The following PCDHGB6 variants were observed in gnomAD, a reference collection of about 807,000 sequenced individuals.
The protein encoded by PCDHGB6 is protocadherin gamma-B6.
PCDHGB6 carries 51 observed loss-of-function variants against 59.1 expected under a neutral mutation model. That is an observed-to-expected ratio of 0.86 (90% confidence interval 0.69 to 1.09). PCDHGB6 has a LOEUF of 1.09. PCDHGB6 is among the 50% of genes least tolerant of loss of function. PCDHGB6 has a pLI of 0.00. For synonymous variants in PCDHGB6, 466 were observed against 495.1 expected, an observed-to-expected ratio of 0.94 and a Z score of 0.78; for missense variants, 1,148 against 1,205.1, an observed-to-expected ratio of 0.95 and a Z score of 0.70.
Position 141,486,239 on chromosome 5 carries a change from C to G in PCDHGB6, c.2419-8568C>G, listed in dbSNP as rs751510109. On this transcript the variant is annotated intron_variant, in intron 1 of 3. Transcript: ENST00000520790. The surrounding 1 kb of genome is among the most constrained non-coding windows in gnomAD (Gnocchi z 5.0). ...CCCTTACATCACAGTGACCTCAGAG[C>G]TTGGAACCCTCCCCGAGAGTGCAGA... 6.2e-7 allele frequency: 1 copy of G among 1,614,160 alleles called. No individual in the cohort carries two copies. Among genetic ancestry groups the G allele is most frequent in the Admixed American group, 1.7e-5 (1 of 60,020 alleles).
rs1001719735 is a variant in PCDHGB6 at position 141,512,055 on chromosome 5, TGAC to T, written c.*883_*885del. 10 of 152,698 alleles carry T rather than the reference TGAC, an allele frequency of 6.5e-5. No homozygotes were observed. The highest frequency in any genetic ancestry group is 1.4e-4 in the African/African-American group (6 of 41,450). 9.5% of individuals were successfully genotyped at this position (152,698 alleles called of 1,614,324 possible). On this transcript the variant is annotated 3_prime_UTR_variant, in exon 4 of 4. Coordinates refer to ENST00000520790, the MANE Select transcript of PCDHGB6 (RefSeq NM_018926.3). ...GAGGCTCTGTATGTCCTCAGGGGACTGACAACATCCTCCAGATTCCAGCCATAA... is the reference window on the plus strand; with the variant it reads ...GAGGCTCTGTATGTCCTCAGGGGACTAACATCCTCCAGATTCCAGCCATAA...
intron 1 of PCDHGB6, among the ~76,000 whole-genome samples, chr5:141,473,916 A>T (rs1014065718): frequency 2.6e-5 from 4 of 152,162 alleles, no homozygotes; most frequent in Non-Finnish European, 4.4e-5. Flanking sequence ...TCTTAAGAAA[A>T]CTATGAGCTG....
chr5:141,478,415 C>G (rs182700706), intron 1 of PCDHGB6: 5 of 1,613,648 alleles, frequency 3.1e-6, no homozygotes, highest in Non-Finnish European at 4.2e-6. Context: ...CACGGACTCC[C>G]GCCGCAGCGA....
chr5:141,444,463 G>A (rs570185430), intron 1 of PCDHGB6, among the ~76,000 whole-genome samples: 10 of 152,026 alleles, frequency 6.6e-5, no homozygotes, highest in Admixed American at 1.3e-4. Context: ...GAGTCACTGC[G>A]CCCGGTCGCG....
In PCDHGB6 at chr5:141,491,419, G is replaced by A. The variant is rs1422517367; in HGVS notation, c.2419-3388G>A. On this transcript the variant is annotated intron_variant, in intron 1 of 3. Coordinates refer to ENST00000520790, the MANE Select transcript of PCDHGB6 (RefSeq NM_018926.3). This position sits in a 1 kb window ranked among gnomAD's most constrained non-coding sequence, Gnocchi z 6.9. ...GGGAAACGCAGACGGGGACGGGGGT[G>A]GAGGGCAGTGCTGCAGGCGCCAGGA... 1 of 1,614,124 alleles carries A rather than the reference G, an allele frequency of 6.2e-7. No individual in the cohort carries two copies.
At position 141,490,543 on chromosome 5, in the gene PCDHGB6, C is replaced by T; in HGVS notation, c.2419-4264C>T. 2 of 1,614,188 alleles carry T rather than the reference C, an allele frequency of 1.2e-6. No homozygotes were observed. Among genetic ancestry groups the T allele is most frequent in the Non-Finnish European group, 8.5e-7 (1 of 1,180,024 alleles). On this transcript the variant is annotated intron_variant, in intron 1 of 3. Transcript: ENST00000520790. The surrounding 1 kb of genome is among the most constrained non-coding windows in gnomAD (Gnocchi z 5.4). ...CAGCGATGCTGGTTCACCTTCCCTA[C>T]ACAAACATCTCACCATCAGGCTCAA...
Position 141,431,677 on chromosome 5 carries a change from G to T in PCDHGB6, c.2418+21057G>T. The T allele has an allele frequency of 1.2e-6, 2 of 1,614,236 alleles. No homozygotes were observed. Among genetic ancestry groups the T allele is most frequent in the Non-Finnish European group, 1.7e-6 (2 of 1,180,050 alleles). ...CAGGGACAATATCAACAATAGGGGAGTTGGACCACGAGGAGTCAGGATTCT... is the reference window on the plus strand; with the variant it reads ...CAGGGACAATATCAACAATAGGGGATTTGGACCACGAGGAGTCAGGATTCT... On this transcript the variant is annotated intron_variant, in intron 1 of 3. Coordinates refer to ENST00000520790, the MANE Select transcript of PCDHGB6 (RefSeq NM_018926.3). The surrounding 1 kb of genome is among the most constrained non-coding windows in gnomAD (Gnocchi z 4.8).
intron 2 of PCDHGB6, among the ~76,000 whole-genome samples, chr5:141,498,618 G>A (rs191513899): frequency 1.3e-5 from 2 of 152,220 alleles, no homozygotes; most frequent in East Asian, 3.9e-4. Context: ...TCAGCACTGG[G>A]TCACACTGCC....
rs759346998 is a variant in PCDHGB6, at chr5:141,410,849, C to CTTTTTTTTTTTTTTTTTTTTTTTTTTTTT, written c.2418+251_2418+252insTTTTTTTTTTTTTTTTTTTTTTTTTTTTT. 5.4e-5 allele frequency: 7 copies of CTTTTTTTTTTTTTTTTTTTTTTTTTTTTT among 129,786 alleles called. 2 individuals carry two copies. The highest frequency in any genetic ancestry group is 3.0e-4 in the African/African-American group (5 of 16,598). 8.0% of individuals were successfully genotyped at this position (129,786 alleles called of 1,614,324 possible). A position where few individuals can be genotyped will look rare whatever the true frequency, so the allele number is the denominator to read the frequency against. ...CAGACTGAAGATATTTTGTCTTTGT[C>CTTTTTTTTTTTTTTTTTTTTTTTTTTTTT]TTTTTTTTTTTTTTTTTTTTTTGAG... On this transcript the variant is annotated intron_variant, in intron 1 of 3. Transcript: ENST00000520790.
At position 141,409,438 on chromosome 5, in the gene PCDHGB6, A is replaced by C. The variant is rs1459982502; in HGVS notation, c.1236A>C (p.Arg412=). Residue 412 remains arginine, a synonymous_variant, in exon 1 of 4, where the codon CGA becomes CGC. Coordinates refer to ENST00000520790, the MANE Select transcript of PCDHGB6 (RefSeq NM_018926.3). ...TGGTGACAGATGGAGCCCTGGACCGAGAGCAGACACCAGAATACAATGTCA... is the reference window on the plus strand; with the variant it reads ...TGGTGACAGATGGAGCCCTGGACCGCGAGCAGACACCAGAATACAATGTCA... ...YKLVTDGALD[R]EQTPEYNVTI... is the part of the protein sequence containing the mutation. 1 of 1,613,866 alleles carries C rather than the reference A, an allele frequency of 6.2e-7. No individual in the cohort carries two copies. The highest frequency in any genetic ancestry group is 8.5e-7 in the Non-Finnish European group (1 of 1,179,892).
intron 1 of PCDHGB6, chr5:141,420,339 T>C: frequency 7.2e-7 from 1 of 1,395,458 alleles, no homozygotes; most frequent in Non-Finnish European, 9.6e-7. Context: ...TCCAATATAG[T>C]GGTATTATTT....
chr5:141,423,071 C>T, intron 1 of PCDHGB6: 2 of 1,614,120 alleles, frequency 1.2e-6, no homozygotes, highest in South Asian at 1.1e-5. Flanking sequence ...GCCAGCGAGC[C>T]GGGACTCTTC....
chr5:141,409,586 G>C lies in PCDHGB6; in HGVS notation c.1384G>C (p.Ala462Pro). The C allele has an allele frequency of 6.2e-7, 1 of 1,613,908 alleles. No individual in the cohort carries two copies. The highest frequency in any genetic ancestry group is 8.5e-7 in the Non-Finnish European group (1 of 1,179,904). ...FDQTSYVVHVAENNPPGASIA... is the reference protein window; with the variant it reads ...FDQTSYVVHVPENNPPGASIA... ...CCAGACGTCCTACGTGGTCCACGTGGCCGAGAACAACCCGCCAGGAGCCTC... is the reference window on the plus strand; with the variant it reads ...CCAGACGTCCTACGTGGTCCACGTGCCCGAGAACAACCCGCCAGGAGCCTC... The change falls in exon 1 of 4, where the codon GCC (alanine) becomes CCC (proline). Residue 462 changes from alanine (A) to proline (P), a missense_variant. Transcript: ENST00000520790.
intron 1 of PCDHGB6, chr5:141,414,008 A>G (rs753686379): frequency 4.3e-6 from 7 of 1,613,188 alleles, no homozygotes; most frequent in Middle Eastern, 1.6e-4. Context: ...GAAGGTGCCA[A>G]TGGAGAAGTG....
Position 141,486,880 on chromosome 5 carries a change from G to T in PCDHGB6, c.2419-7927G>T. On this transcript the variant is annotated intron_variant, in intron 1 of 3. Transcript: ENST00000520790. The surrounding 1 kb of genome is among the most constrained non-coding windows in gnomAD (Gnocchi z 5.0). The stretch of plus-strand genomic sequence containing the variant: ...ATGCTCCAGCTGTGCTCCGTCCTCG[G>T]GCCCGGCCTGGTTCCTTATGTCCCC... The T allele has an allele frequency of 6.2e-7, 1 of 1,614,212 alleles. No homozygotes were observed. Among genetic ancestry groups the T allele is most frequent in the East Asian group, 2.2e-5 (1 of 44,882 alleles).
In PCDHGB6 at chr5:141,511,519, C is replaced by G; in HGVS notation, c.*346C>G. 2.7e-6 allele frequency: 1 copy of G among 367,516 alleles called. No homozygotes were observed. Among genetic ancestry groups the G allele is most frequent in the African/African-American group, 2.1e-5 (1 of 48,286 alleles). 22.8% of individuals were successfully genotyped at this position (367,516 alleles called of 1,614,324 possible). A position where few individuals can be genotyped will look rare whatever the true frequency, so the allele number is the denominator to read the frequency against. ...CCAAATCAATCAGGCCCATCCATCC[C>G]ATGCCTCCCTCCTCCCCACCCCACT... On this transcript the variant is annotated 3_prime_UTR_variant, in exon 4 of 4. Coordinates refer to ENST00000520790, the MANE Select transcript of PCDHGB6 (RefSeq NM_018926.3).
chr5:141,451,745 G>T (rs562443882), intron 1 of PCDHGB6, among the ~76,000 whole-genome samples: 36 of 152,242 alleles, frequency 2.4e-4, no homozygotes, highest in Middle Eastern at 3.4e-3. Context: ...AGCTGGTCTG[G>T]TGGTGCATGC....
chr5:141,480,407 C>T (rs906445993), intron 1 of PCDHGB6, among the ~76,000 whole-genome samples: 1 of 139,782 alleles, frequency 7.2e-6, no homozygotes, highest in Admixed American at 7.0e-5. Context: ...AGAGTGAGAC[C>T]CTGTCTCAAA....
rs35224477 is a variant in PCDHGB6, at chr5:141,464,263, TA to T, written c.2419-30530del. On this transcript the variant is annotated intron_variant, in intron 1 of 3. Coordinates refer to ENST00000520790, the MANE Select transcript of PCDHGB6 (RefSeq NM_018926.3). ...CTGGGCTACAGAGCGAGACTCCGTC[TA>T]AAAAAAAAAAAAAGCAAAAAAAAAA... Among the ~76,000 whole-genome samples, 390 of 103,506 alleles carry T rather than the reference TA, an allele frequency of 3.8e-3. 1 individual carries two copies. Among genetic ancestry groups the T allele is most frequent in the Admixed American group, 4.7e-3 (45 of 9,486 alleles). 67.9% of individuals were successfully genotyped at this position (103,506 alleles called of 152,430 possible). A position where few individuals can be genotyped will look rare whatever the true frequency, so the allele number is the denominator to read the frequency against.
Sources: allele counts gnomAD v4.1 joint callset (sites outside exome capture counted in the v4.1 genomes callset), GRCh38; gene constraint gnomAD v4.1.1; non-coding constraint Gnocchi (gnomAD v3.1); transcripts MANE v1.5; gene names NCBI Gene and HGNC (gene_info 2026-07-23, HGNC 2026-07-21).